TENM1: variants seen among roughly 807,000 people sequenced by gnomAD.
TENM1 encodes teneurin transmembrane protein 1.
In TENM1, 35 loss-of-function variants were observed where a neutral mutation model predicts 174.8. The observed-to-expected ratio is 0.20, with a 90% CI of 0.15 to 0.27. The LOEUF is 0.27. TENM1 is among the 10% of genes least tolerant of loss of function. TENM1 has a pLI of 1.00. For missense variants in TENM1, 1,633 were observed against 2,130.1 expected, an observed-to-expected ratio of 0.77 and a Z score of 4.59; for synonymous variants, 781 against 798.7, an observed-to-expected ratio of 0.98 and a Z score of 0.37.
chrX:124,422,323 C>T lies in TENM1; in HGVS notation c.4420G>A (p.Ala1474Thr), dbSNP rs764949726. The change falls in exon 24 of 32, where the codon GCC (alanine) becomes ACC (threonine). Residue 1474 changes from alanine to threonine, a missense_variant. Transcript: ENST00000422452. ...ATTTTGCAGTCACAGTCAGTGGGGG[C>T]ACCAGCGATGATGTAGATCTCCCCA... 3.3e-6 allele frequency: 4 copies of T among 1,211,257 alleles called. No homozygotes were observed. In the South Asian group the frequency reaches 5.3e-5, roughly 16 times the overall value.
the TENM1 span, among the ~76,000 whole-genome samples, chrX:125,190,388 G>A: frequency 8.9e-6 from 1 of 112,521 alleles, no homozygotes; most frequent in Non-Finnish European, 1.9e-5. Context: ...AATATAGTGA[G>A]TAATCACTTC....
At chrX:124,784,958 A>G (rs1472010029) in intron 3 of TENM1, among the ~76,000 whole-genome samples, 1 of 111,328 alleles carries the variant, frequency 9.0e-6, no homozygotes, top group Non-Finnish European at 1.9e-5. Context: ...TTTTGTTTAC[A>G]TTTCTGTTAT....
At chrX:125,197,942 A>G in the TENM1 span, among the ~76,000 whole-genome samples, 1 of 112,097 alleles carries the variant, frequency 8.9e-6, no homozygotes, top group Non-Finnish European at 1.9e-5. Context: ...ACAGAAAAGT[A>G]ATATTAGTTT....
At chrX:124,836,256 C>T (rs773573202) in intron 3 of TENM1, among the ~76,000 whole-genome samples, 62 of 110,989 alleles carry the variant, frequency 5.6e-4, no homozygotes, top group Admixed American at 1.9e-3. Context: ...ATCTATCTTC[C>T]CCCACTCCCA....
intron 1 of TENM1, among the ~76,000 whole-genome samples, chrX:124,920,073 G>A (rs2057995057): frequency 9.0e-6 from 1 of 110,774 alleles, no homozygotes; most frequent in Admixed American, 9.6e-5. Context: ...TTAAAGATGG[G>A]AATTTAAAAA....
chrX:124,422,330 G>A (rs1229912610), exon 24 of TENM1: 19 of 1,211,202 alleles, frequency 1.6e-5, no homozygotes, highest in East Asian at 3.0e-5. Context: ...GGGCACCAGC[G>A]ATGATGTAGA....
At chrX:124,738,268 G>A (rs1174631200) in intron 3 of TENM1, among the ~76,000 whole-genome samples, 2 of 111,251 alleles carry the variant, frequency 1.8e-5, no homozygotes, top group Admixed American at 1.9e-4. Context: ...AGAGGCTTTC[G>A]ATGCCTAGCA....
chrX:125,180,870 A>C, the TENM1 span, among the ~76,000 whole-genome samples: 2 of 111,748 alleles, frequency 1.8e-5, no homozygotes, highest in East Asian at 5.6e-4. Context: ...TGCTTAGAAC[A>C]TATTCTCATC....
At chrX:124,386,194 C>A (rs2060215923) in intron 28 of TENM1, 130 bp from the exon 32 acceptor site, 2 of 571,723 alleles carry the variant, frequency 3.5e-6, no homozygotes, top group South Asian at 3.2e-5. Context: ...TGTGGCAAAC[C>A]CTAGTGGATA....
At chrX:124,411,288 A>G (rs1321843013) in intron 25 of TENM1, among the ~76,000 whole-genome samples, 2 of 111,568 alleles carry the variant, frequency 1.8e-5, no homozygotes, top group Admixed American at 1.9e-4. Flanking sequence ...ACCCAGATAG[A>G]TTTAGCTGGG....
At chrX:124,744,112 T>A (rs1026892606) in intron 3 of TENM1, among the ~76,000 whole-genome samples, 1 of 111,653 alleles carries the variant, frequency 9.0e-6, no homozygotes, top group Non-Finnish European at 1.9e-5. Flanking sequence ...TTCCTGCCAA[T>A]AAGTGTCTGG....
the TENM1 span, among the ~76,000 whole-genome samples, chrX:125,169,805 C>A: frequency 2.2e-4 from 24 of 109,159 alleles, no homozygotes; most frequent in African/African-American, 8.0e-4. Flanking sequence ...CTTTTTATGC[C>A]TGGCTTGGTC....
intron 3 of TENM1, among the ~76,000 whole-genome samples, chrX:124,758,737 A>G (rs2054330908): frequency 8.9e-6 from 1 of 111,893 alleles, no homozygotes; most frequent in South Asian, 3.8e-4. Flanking sequence ...GCACAAAATG[A>G]TGAATCTGGA....
the TENM1 span, among the ~76,000 whole-genome samples, chrX:125,113,985 T>C: frequency 1.8e-5 from 2 of 111,397 alleles, no homozygotes; most frequent in African/African-American, 3.3e-5. Context: ...ATAGCACTTA[T>C]TCTAAAATCG....
chrX:124,945,613 G>T (rs1168305774), intron 1 of TENM1, among the ~76,000 whole-genome samples: 9 of 110,903 alleles, frequency 8.1e-5, no homozygotes, highest in Non-Finnish European at 1.7e-4. Context: ...AAATGGATGA[G>T]GTCACGAATC....
intron 15 of TENM1, among the ~76,000 whole-genome samples, chrX:124,530,833 G>C (rs1034751605): frequency 1.3e-4 from 14 of 111,931 alleles, no homozygotes; most frequent in Admixed American, 8.6e-4. Flanking sequence ...CCCTAAATAG[G>C]GCTCTCTTTC....
In TENM1 at chrX:124,482,018, T is replaced by C. The variant is rs1010842360; in HGVS notation, c.3717-54A>G. The C allele has an allele frequency of 3.8e-5, 30 of 794,897 alleles. 2 individuals are homozygous for C. The South Asian group carries it at 8.6e-4, about 23-fold the overall frequency. The allele number at this position is 794,897 out of a possible 1,213,427, so 65.5% of individuals were successfully genotyped here. On this transcript the variant is annotated intron_variant, in intron 21 of 31. Transcript: ENST00000422452. Reference sequence around the variant, plus strand: ...AGGCAATTTTTCAACACGAACCCCCTGGGCTCAGCCTTTTTTCACAAATGG... The same window carrying C: ...AGGCAATTTTTCAACACGAACCCCCCGGGCTCAGCCTTTTTTCACAAATGG...
At chrX:124,491,764 A>T (rs182032089) in intron 20 of TENM1, among the ~76,000 whole-genome samples, 1 of 112,108 alleles carries the variant, frequency 8.9e-6, no homozygotes, top group East Asian at 2.8e-4. Context: ...AGATGTTTCA[A>T]TTGGAAACGT....
At chrX:124,837,733 C>T (rs2056420322) in intron 3 of TENM1, among the ~76,000 whole-genome samples, 1 of 110,689 alleles carries the variant, frequency 9.0e-6, no homozygotes, top group Non-Finnish European at 1.9e-5. Context: ...TACTGAAACT[C>T]ACAAAGATAT....
Sources: gnomAD v4.1 joint callset for allele counts (sites outside exome capture counted in the v4.1 genomes callset) on GRCh38, gnomAD v4.1.1 for gene constraint, MANE v1.5 for transcripts, NCBI Gene and HGNC (gene_info 2026-07-23, HGNC 2026-07-21) for gene names.